Variants in ERCC5 observed in about 807,000 individuals in gnomAD.
ERCC5 encodes DNA excision repair protein ERCC-5.
In ERCC5, 68 loss-of-function variants were observed where a neutral mutation model predicts 105.6. That is an observed-to-expected ratio of 0.64 (90% CI 0.53 to 0.79). The LOEUF is 0.79. ERCC5 is among the 30% of genes least tolerant of loss of function. ERCC5 has a pLI of 0.00. For missense variants in ERCC5, 1,373 were observed against 1,426.7 expected (o/e 0.96, Z 0.61); for synonymous variants, 546 against 526.2 (o/e 1.04, Z -0.51).
Position 102,846,190 on chromosome 13 carries a change from C to T in ERCC5, c.-77C>T. The T allele has an allele frequency of 7.8e-7, 1 of 1,274,214 alleles. No individual in the cohort carries two copies. The highest frequency in any genetic ancestry group is 1.1e-6 in the Non-Finnish European group (1 of 891,500). The allele number at this position is 1,274,214 out of a possible 1,614,324, so 78.9% of individuals were successfully genotyped here. A position where few individuals can be genotyped will look rare whatever the true frequency, so the allele number is the denominator to read the frequency against. ...GCAGGGAGGGCTTCCTCCCGGGGTC[C>T]TAGGCGGCGGTGCAGTCCGTCGTAG... On this transcript the variant is annotated 5_prime_UTR_variant, in exon 1 of 15. Coordinates refer to ENST00000652225, the MANE Select transcript of ERCC5 (RefSeq NM_000123.4).
In ERCC5 at chr13:102,847,297, A is replaced by AT. The variant is rs35223521; in HGVS notation, c.88+959dup. On this transcript the variant is annotated intron_variant, in intron 1 of 14. Transcript: ENST00000652225. Reference sequence around the variant, plus strand: ...TTATCTTTTTCTTTGTTATGTAGTCATTTTTTTTTTTTTTTTGAGTATCTA... The same window carrying AT: ...TTATCTTTTTCTTTGTTATGTAGTCATTTTTTTTTTTTTTTTTGAGTATCTA... Among the ~76,000 whole-genome samples the AT allele has an allele frequency of 3.4e-3, 476 of 139,478 alleles. 1 individual carries two copies. The highest frequency in any genetic ancestry group is 5.5e-3 in the African/African-American group (207 of 37,960). 91.5% of individuals were successfully genotyped at this position (139,478 alleles called of 152,430 possible).
rs1477075751 is a variant in ERCC5 at position 102,861,715 on chromosome 13, G to GT, written c.880+2dup. ...ACTTCACATTACATCTTGATAAAAG[G>GT]TATCAGGCACCATCATTTATATATT... On this transcript the variant is annotated splice_donor_variant, in intron 7 of 14. Coordinates refer to ENST00000652225, the MANE Select transcript of ERCC5 (RefSeq NM_000123.4). LOFTEE classifies it high-confidence loss of function. The GT allele has an allele frequency of 1.2e-6, 2 of 1,613,920 alleles. No homozygotes were observed. The highest frequency in any genetic ancestry group is 2.7e-5 in the African/African-American group (2 of 74,908).
chr13:102,866,665 C>G lies in ERCC5; in HGVS notation c.2353C>G (p.Gln785Glu), dbSNP rs1244074570. ...LLRLFGIPYI[Q>E]APMEAEAQCA... ...GCGCCTGTTCGGCATTCCCTACATC[C>G]AGGCTCCCATGGAAGCAGAGGCGCA... Residue 785 changes from glutamine to glutamate, a missense_variant, in exon 11 of 15, where the codon CAG becomes GAG. Around this residue, in one of 3 missense-constraint regions of ERCC5, gnomAD observed 1,004 missense variants for 1,059.7 expected, o/e 0.95. Transcript: ENST00000652225. 6.2e-7 allele frequency: 1 copy of G among 1,613,988 alleles called. No homozygotes were observed. The highest frequency in any genetic ancestry group is 1.1e-5 in the South Asian group (1 of 91,076).
intron 10 of ERCC5, 86 bp downstream of exon 10, chr13:102,866,467 C>G: frequency 6.2e-7 from 1 of 1,611,896 alleles, no homozygotes; most frequent in Non-Finnish European, 8.5e-7. Flanking sequence ...TGCACTGTGC[C>G]CCCTGGTGCT....
At chr13:102,869,459 A>G (rs1186107277) in intron 12 of ERCC5, among the ~76,000 whole-genome samples, 1 of 126,570 alleles carries the variant, frequency 7.9e-6, no homozygotes, top group Admixed American at 8.1e-5. Flanking sequence ...GACTTCACAC[A>G]TATATATGCA....
intron 6 of ERCC5, chr13:102,858,965 T>C (rs1423707095): frequency 4.4e-6 from 2 of 456,024 alleles, no homozygotes; most frequent in Admixed American, 4.7e-5. Context: ...CACATTCCCT[T>C]GCCCTCTTCC....
chr13:102,846,059 G>A lies in ERCC5; in HGVS notation c.-208G>A, dbSNP rs1881942873. 1.7e-6 allele frequency: 1 copy of A among 587,390 alleles called. No homozygotes were observed. The highest frequency in any genetic ancestry group is 3.0e-6 in the Non-Finnish European group (1 of 329,194). The allele number at this position is 587,390 out of a possible 1,614,324, so 36.4% of individuals were successfully genotyped here. A position where few individuals can be genotyped will look rare whatever the true frequency, so the allele number is the denominator to read the frequency against. On this transcript the variant is annotated 5_prime_UTR_variant, in exon 1 of 15. Transcript: ENST00000652225. ...TCCGGGAGGCGGTGACAGCTGCTGAGACGTGTTGCAGCCAGAGTCTCTCCG... is the reference window on the plus strand; with the variant it reads ...TCCGGGAGGCGGTGACAGCTGCTGAAACGTGTTGCAGCCAGAGTCTCTCCG...
Position 102,860,676 on chromosome 13 carries a change from A to G in ERCC5, c.673-831A>G, listed in dbSNP as rs926122926. Among the ~76,000 whole-genome samples the G allele has an allele frequency of 3.3e-5, 5 of 152,234 alleles. No homozygotes were observed. In the South Asian group the frequency reaches 1.0e-3, roughly 31 times the overall value. On this transcript the variant is annotated intron_variant, in intron 6 of 14. Transcript: ENST00000652225. ...TATTTAAGTCCCAATTTCTTCATTT[A>G]TAAAATGGAGGTGATATCTGTTTCA...
rs1334787583 is a variant in ERCC5, at chr13:102,875,654, T to G, written c.3312T>G (p.Asp1104Glu). 6.2e-7 allele frequency: 1 copy of G among 1,614,020 alleles called. No individual in the cohort carries two copies. The highest frequency in any genetic ancestry group is 1.7e-5 in the Admixed American group (1 of 60,010). ...CATCTGATGGATCTTCAAGTGAAGA[T>G]GCTGAAAGTTCATCTTTAATGAATG... ...SESSDGSSSE[D>E]AESSSLMNVQ... Residue 1104 changes from aspartate to glutamate, a missense_variant, in exon 15 of 15, where the codon GAT (aspartate) becomes GAG (glutamate). Physicochemically the swap from Asp to Glu is conservative, Grantham distance 45. Around this residue, in one of 3 missense-constraint regions of ERCC5, gnomAD observed 367 missense variants for 350.2 expected, o/e 1.05. Transcript: ENST00000652225.
At chr13:102,858,536 A>G in intron 6 of ERCC5, 118 bp downstream of exon 6, 1 of 1,401,704 alleles carries the variant, frequency 7.1e-7, no homozygotes, top group Non-Finnish European at 1.0e-6. Flanking sequence ...AACAGTAAAC[A>G]GCATTTCTAC....
At chr13:102,867,103 A>G (rs1044799922) in intron 11 of ERCC5, among the ~76,000 whole-genome samples, 2 of 152,238 alleles carry the variant, frequency 1.3e-5, no homozygotes, top group African/African-American at 4.8e-5. Context: ...AGATCTCCAC[A>G]GTGAACAAAA....
In ERCC5 at chr13:102,856,226, A is replaced by T. The variant is rs1882412941; in HGVS notation, c.528+114A>T. Reference sequence around the variant, plus strand: ...TGAAAGTTCCTGATAAAAAGTAAAGACAGATGGCTTTTTGGTTGTGCATAT... The same window carrying T: ...TGAAAGTTCCTGATAAAAAGTAAAGTCAGATGGCTTTTTGGTTGTGCATAT... On this transcript the variant is annotated intron_variant, in intron 5 of 14. Transcript: ENST00000652225. 6.3e-6 allele frequency: 7 copies of T among 1,118,544 alleles called. No individual in the cohort carries two copies. In the East Asian group the frequency reaches 1.7e-4, roughly 28 times the overall value. 69.3% of individuals were successfully genotyped at this position (1,118,544 alleles called of 1,614,324 possible). A position where few individuals can be genotyped will look rare whatever the true frequency, so the allele number is the denominator to read the frequency against.
At chr13:102,874,210 A>G (rs1233026351) in intron 14 of ERCC5, among the ~76,000 whole-genome samples, 1 of 152,158 alleles carries the variant, frequency 6.6e-6, no homozygotes, top group Non-Finnish European at 1.5e-5. Flanking sequence ...TATTTTTCCA[A>G]AATTAGAAAA....
intron 5 of ERCC5, among the ~76,000 whole-genome samples, 169 bp from the exon 6 acceptor site, chr13:102,858,106 T>A (rs1366748070): frequency 6.6e-6 from 1 of 152,194 alleles, no homozygotes; most frequent in East Asian, 1.9e-4. Flanking sequence ...ATTCCCTAAT[T>A]TGCCTACTCA....
intron 4 of ERCC5, among the ~76,000 whole-genome samples, chr13:102,855,203 A>T (rs527347906): frequency 6.6e-6 from 1 of 151,914 alleles, no homozygotes; most frequent in Admixed American, 6.6e-5. Flanking sequence ...TCCAAATCTG[A>T]TATTGTCATT....
At chr13:102,866,187 T>C in intron 9 of ERCC5, 75 bp from the exon 10 acceptor site, 1 of 1,597,312 alleles carries the variant, frequency 6.3e-7, no homozygotes, top group Non-Finnish European at 8.6e-7. Flanking sequence ...TCAGTCAGAC[T>C]AAATGCAGGC....
chr13:102,861,791 A>G, intron 7 of ERCC5, 77 bp downstream of exon 7: 1 of 1,528,154 alleles, frequency 6.5e-7, no homozygotes, highest in East Asian at 2.3e-5. Context: ...ATAAACTAGC[A>G]CCCCTGGATA....
intron 11 of ERCC5, among the ~76,000 whole-genome samples, 196 bp from the exon 12 acceptor site, chr13:102,867,917 C>T (rs890205794): frequency 1.3e-5 from 2 of 152,038 alleles, no homozygotes; most frequent in African/African-American, 4.8e-5. Context: ...GTATTTAAAG[C>T]TATGAGAATG....
rs773559180 is a variant in ERCC5 at position 102,872,197 on chromosome 13, G to A, written c.2679-1G>A. ...AAGTAATTGTTTCCTTTATTTTACAGAGAATGGTGGCATGAAGCTCAAAAA... is the reference window on the plus strand; with the variant it reads ...AAGTAATTGTTTCCTTTATTTTACAAAGAATGGTGGCATGAAGCTCAAAAA... On this transcript the variant is annotated splice_acceptor_variant, in intron 12 of 14. Coordinates refer to ENST00000652225, the MANE Select transcript of ERCC5 (RefSeq NM_000123.4). LOFTEE classifies it high-confidence loss of function. The A allele has an allele frequency of 6.2e-7, 1 of 1,613,842 alleles. No individual in the cohort carries two copies. The highest frequency in any genetic ancestry group is 1.1e-5 in the South Asian group (1 of 91,036).
Sources: gnomAD v4.1 joint callset for allele counts (sites outside exome capture counted in the v4.1 genomes callset) on GRCh38, gnomAD v4.1.1 for gene constraint, gnomAD v4.1.1 regional missense constraint, MANE v1.5 for transcripts, NCBI Gene and HGNC (gene_info 2026-07-23, HGNC 2026-07-21) for gene names.